MALRD1: variants seen among roughly 807,000 people sequenced by gnomAD.
MALRD1 encodes MAM and LDL-receptor class A domain-containing protein 1.
MALRD1 carries 247 observed loss-of-function variants against 242.1 expected under a neutral mutation model. The observed-to-expected ratio is 1.02, with a 90% CI of 0.92 to 1.13. MALRD1 has a LOEUF of 1.13. Ranked by LOEUF, MALRD1 falls within the 50% of genes most tolerant of loss-of-function variation. The pLI is 0.00. For missense variants in MALRD1, 2,989 were observed against 2,533.1 expected (o/e 1.18, Z -3.86); for synonymous variants, 995 against 866.6 (o/e 1.15, Z -2.60).
At chr10:19,376,028 A>C (rs1385255766) in intron 26 of MALRD1, among the ~76,000 whole-genome samples, 3 of 152,142 alleles carry the variant, frequency 2.0e-5, no homozygotes, top group African/African-American at 7.2e-5. Flanking sequence ...AGGCTGAGGC[A>C]GGGGAATTGG....
At chr10:19,179,922 C>T (rs919611326) in intron 14 of MALRD1, among the ~76,000 whole-genome samples, 1 of 152,060 alleles carries the variant, frequency 6.6e-6, no homozygotes, top group Non-Finnish European at 1.5e-5. Flanking sequence ...TCCATTCTTT[C>T]TGCTTTCTAC....
At chr10:19,305,994 ATATT>A (rs1187218875) in intron 21 of MALRD1, among the ~76,000 whole-genome samples, 1 of 122,378 alleles carries the variant, frequency 8.2e-6, no homozygotes, top group Non-Finnish European at 1.6e-5. Flanking sequence ...TATATACTAT[ATATT>A]ATATATTATA....
At chr10:19,479,852 G>A (rs1019142080) in intron 29 of MALRD1, among the ~76,000 whole-genome samples, 2 of 152,128 alleles carry the variant, frequency 1.3e-5, no homozygotes, top group African/African-American at 4.8e-5. Context: ...TTCCATCCAC[G>A]TGGAGAGGTA....
chr10:19,574,048 G>A (rs1836683945), intron 33 of MALRD1, among the ~76,000 whole-genome samples: 1 of 152,172 alleles, frequency 6.6e-6, no homozygotes, highest in African/African-American at 2.4e-5. Context: ...TTGGCAAATA[G>A]CAAGGTGCCA....
At chr10:19,388,688 T>C (rs1233623390) in intron 27 of MALRD1, among the ~76,000 whole-genome samples, 3 of 151,992 alleles carry the variant, frequency 2.0e-5, no homozygotes, top group Admixed American at 1.3e-4. Context: ...ATTTTTGTAG[T>C]GAGTGGCTGA....
At chr10:19,216,703 T>G (rs1261899404) in intron 18 of MALRD1, among the ~76,000 whole-genome samples, 1 of 150,726 alleles carries the variant, frequency 6.6e-6, no homozygotes, top group East Asian at 2.0e-4. Flanking sequence ...CCCAGCACTT[T>G]GGGAGGCCGA....
chr10:19,184,807 C>G (rs1037109364), intron 14 of MALRD1, among the ~76,000 whole-genome samples: 1 of 152,128 alleles, frequency 6.6e-6, no homozygotes, highest in Non-Finnish European at 1.5e-5. Context: ...CTTGGCCTCC[C>G]GAAGTGCTGA....
chr10:19,719,222 A>AT (rs1491464679), intron 38 of MALRD1, among the ~76,000 whole-genome samples: 1 of 77,306 alleles, frequency 1.3e-5, no homozygotes, highest in Non-Finnish European at 2.5e-5. Flanking sequence ...ACACATACAT[A>AT]CATATATATA....
intron 2 of MALRD1, among the ~76,000 whole-genome samples, chr10:19,076,196 A>G (rs1157839536): frequency 6.6e-6 from 1 of 151,938 alleles, no homozygotes; most frequent in Non-Finnish European, 1.5e-5. Flanking sequence ...CATTAATGCC[A>G]CTTGCCCCTA....
At chr10:19,548,044 G>A (rs374043950) in intron 32 of MALRD1, among the ~76,000 whole-genome samples, 18 of 130,580 alleles carry the variant, frequency 1.4e-4, no homozygotes, top group East Asian at 8.9e-4. Context: ...CTTGTTGGCC[G>A]GGCTGGAGTG....
At chr10:19,263,700 C>T (rs543922548) in intron 19 of MALRD1, among the ~76,000 whole-genome samples, 1 of 151,962 alleles carries the variant, frequency 6.6e-6, no homozygotes, top group African/African-American at 2.4e-5. Context: ...TTATTTTTTC[C>T]CATTGTATAT....
At chr10:19,648,221 A>G (rs1436675628) in intron 36 of MALRD1, among the ~76,000 whole-genome samples, 1 of 152,222 alleles carries the variant, frequency 6.6e-6, no homozygotes, top group East Asian at 1.9e-4. Context: ...TGGAAGTCCA[A>G]CATGACCAAA....
chr10:19,671,097 G>A lies in MALRD1; in HGVS notation c.6138-21185G>A, dbSNP rs569842641. Reference sequence around the variant, plus strand: ...GTAGAGACAGGGTTTCACCATGTTAGCCAGGATAAGACAATGATTTTCTAA... The same window carrying A: ...GTAGAGACAGGGTTTCACCATGTTAACCAGGATAAGACAATGATTTTCTAA... On this transcript the variant is annotated intron_variant, in intron 36 of 39. Coordinates refer to ENST00000454679, the MANE Select transcript of MALRD1 (RefSeq NM_001142308.3). 2.2e-3 allele frequency among the ~76,000 whole-genome samples: 328 copies of A among 151,868 alleles called. 5 individuals are homozygous for A. The highest frequency in any genetic ancestry group is 7.3e-3 in the African/African-American group (302 of 41,428).
intron 18 of MALRD1, among the ~76,000 whole-genome samples, chr10:19,241,782 G>A (rs1288161372): frequency 1.3e-5 from 2 of 151,942 alleles, no homozygotes; most frequent in East Asian, 3.9e-4. Flanking sequence ...AGTGACTTTT[G>A]TAATTTTCCT....
At chr10:19,224,624 G>C (rs191243829) in intron 18 of MALRD1, among the ~76,000 whole-genome samples, 1 of 152,180 alleles carries the variant, frequency 6.6e-6, no homozygotes, top group South Asian at 2.1e-4. Context: ...TTTATTGGCC[G>C]CATAAATGTC....
chr10:19,289,272 G>T (rs144453912), intron 21 of MALRD1, among the ~76,000 whole-genome samples: 1 of 152,032 alleles, frequency 6.6e-6, no homozygotes, highest in Non-Finnish European at 1.5e-5. Flanking sequence ...TTGTATTTCC[G>T]TATTTCCTCT....
At chr10:19,705,391 C>T (rs1335824624) in intron 38 of MALRD1, among the ~76,000 whole-genome samples, 5 of 152,098 alleles carry the variant, frequency 3.3e-5, no homozygotes, top group East Asian at 1.9e-4. Flanking sequence ...GCACAGTGAC[C>T]GAGGTCATCT....
chr10:19,600,031 C>A (rs980309289), intron 34 of MALRD1, among the ~76,000 whole-genome samples: 5 of 152,096 alleles, frequency 3.3e-5, no homozygotes, highest in African/African-American at 1.2e-4. Context: ...AGTGACAGAA[C>A]AACTGTGAAA....
chr10:19,462,193 G>C (rs1411745182), intron 29 of MALRD1, among the ~76,000 whole-genome samples: 1 of 152,070 alleles, frequency 6.6e-6, no homozygotes, highest in Non-Finnish European at 1.5e-5. Context: ...ACTTCCTCTT[G>C]AGTGCATTTT....
Sources: allele counts gnomAD v4.1 joint callset (sites outside exome capture counted in the v4.1 genomes callset), GRCh38; gene constraint gnomAD v4.1.1; transcripts MANE v1.5; gene names NCBI Gene and HGNC (gene_info 2026-07-23, HGNC 2026-07-21).